Variants in JAM2 observed in about 807,000 individuals in gnomAD.
JAM2 encodes junctional adhesion molecule B.
A neutral mutation model predicts 42.0 loss-of-function variants in JAM2; 17 were observed. The observed-to-expected ratio is 0.40, with a 90% CI of 0.28 to 0.61. JAM2 has a LOEUF of 0.61. JAM2 is among the 20% of genes least tolerant of loss of function. JAM2 has a pLI of 0.37. For missense variants in JAM2, 319 were observed against 358.3 expected (o/e 0.89, Z 0.89); for synonymous variants, 118 against 128.6 (o/e 0.92, Z 0.56).
rs576251698 is a variant in JAM2 at position 25,669,466 on chromosome 21, G to A, written c.68-14417G>A. Reference sequence around the variant, plus strand: ...TTTTTCATAGAACATCCTCATACGCGATTATTGTAGAATCATTTGTGAAAT... The same window carrying A: ...TTTTTCATAGAACATCCTCATACGCAATTATTGTAGAATCATTTGTGAAAT... On this transcript the variant is annotated intron_variant, in intron 1 of 9. Coordinates refer to ENST00000480456, the MANE Select transcript of JAM2 (RefSeq NM_021219.4). Among the ~76,000 whole-genome samples, 5 of 152,184 alleles carry A rather than the reference G, an allele frequency of 3.3e-5. No homozygotes were observed. In the South Asian group the frequency reaches 1.0e-3, roughly 32 times the overall value.
intron 7 of JAM2, among the ~76,000 whole-genome samples, 176 bp downstream of exon 7, chr21:25,706,262 A>G (rs900804447): frequency 2.6e-5 from 4 of 151,730 alleles, no homozygotes; most frequent in Non-Finnish European, 5.9e-5. Flanking sequence ...ACTCAATACA[A>G]CCTCCACCTC....
chr21:25,652,589 T>C (rs1474075471), intron 1 of JAM2, among the ~76,000 whole-genome samples: 2 of 152,200 alleles, frequency 1.3e-5, no homozygotes, highest in Admixed American at 6.5e-5. Flanking sequence ...TTTGTTATTT[T>C]GACACTATGT....
In JAM2 at chr21:25,715,979, TTC is replaced by T. The variant is rs2034471045; in HGVS notation, c.*1309_*1310del. The T allele has an allele frequency of 1.2e-5, 1 of 83,398 alleles. No individual in the cohort carries two copies. The highest frequency in any genetic ancestry group is 2.8e-5 in the Non-Finnish European group (1 of 35,930). 5.2% of individuals were successfully genotyped at this position (83,398 alleles called of 1,614,324 possible). ...ACAACTATGAACATGATGGTTAATC[TTC>T]TTTCTTTTTTTTTTTTTTTTTTTGA... On this transcript the variant is annotated 3_prime_UTR_variant, in exon 10 of 10. Coordinates refer to ENST00000480456, the MANE Select transcript of JAM2 (RefSeq NM_021219.4).
chr21:25,702,345 C>A (rs1257900644), intron 6 of JAM2, 76 bp downstream of exon 6: 9 of 810,132 alleles, frequency 1.1e-5, no homozygotes, highest in Non-Finnish European at 1.8e-5. Flanking sequence ...GTACAAGGAG[C>A]AAGGAGCAGG....
intron 1 of JAM2, among the ~76,000 whole-genome samples, chr21:25,682,975 C>A (rs543417208): frequency 6.6e-6 from 1 of 152,154 alleles, no homozygotes; most frequent in African/African-American, 2.4e-5. Context: ...CATCTCCTCG[C>A]CTGCTCATCT....
At chr21:25,697,255 A>G (rs1485877338) in intron 4 of JAM2, among the ~76,000 whole-genome samples, 3 of 146,060 alleles carry the variant, frequency 2.1e-5, no homozygotes, top group African/African-American at 8.4e-5. Context: ...AAATCATCCT[A>G]TCTTAGAGAC....
At chr21:25,659,444 CTT>C (rs2033023034) in intron 1 of JAM2, among the ~76,000 whole-genome samples, 1 of 152,112 alleles carries the variant, frequency 6.6e-6, no homozygotes, top group Non-Finnish European at 1.5e-5. Context: ...ATAAATAACT[CTT>C]TTAGCTGATT....
chr21:25,665,579 A>G (rs911551106), intron 1 of JAM2, among the ~76,000 whole-genome samples: 14 of 152,186 alleles, frequency 9.2e-5, no homozygotes, highest in African/African-American at 3.4e-4. Context: ...GGAGGCAAGC[A>G]AGCTACAGAC....
chr21:25,695,582 G>A (rs1181293883), intron 4 of JAM2, among the ~76,000 whole-genome samples: 15 of 148,852 alleles, frequency 1.0e-4, no homozygotes, highest in African/African-American at 2.3e-4. Flanking sequence ...CCTCCCGGAC[G>A]GGGCGGCGGC....
chr21:25,651,073 A>AC (rs1435576408), intron 1 of JAM2, among the ~76,000 whole-genome samples: 6 of 150,278 alleles, frequency 4.0e-5, no homozygotes, highest in African/African-American at 1.2e-4. Flanking sequence ...AAAAAAAAAA[A>AC]AAAAAAAAAA....
chr21:25,666,417 C>A (rs376455048), intron 1 of JAM2, among the ~76,000 whole-genome samples: 1 of 151,772 alleles, frequency 6.6e-6, no homozygotes, highest in Non-Finnish European at 1.5e-5. Context: ...CTCTGCCTCC[C>A]GGGTTCAAGC....
Position 25,698,694 on chromosome 21 carries a change from T to A in JAM2, c.412T>A (p.Ser138Thr). ...LEVLVAPAVP[S>T]CEVPSSALSG... ...TTGTTCAGTGGCTCCAGCAGTTCCATCATGTGAAGTACCCTCTTCTGCTCT... is the reference window on the plus strand; with the variant it reads ...TTGTTCAGTGGCTCCAGCAGTTCCAACATGTGAAGTACCCTCTTCTGCTCT... The change falls in exon 5 of 10, where the codon TCA becomes ACA. Residue 138 changes from serine (S) to threonine (T), a missense_variant. Transcript: ENST00000480456. The A allele has an allele frequency of 6.2e-7, 1 of 1,613,932 alleles. No individual in the cohort carries two copies. Among genetic ancestry groups the A allele is most frequent in the Non-Finnish European group, 8.5e-7 (1 of 1,179,822 alleles).
chr21:25,667,360 T>C (rs987499080), intron 1 of JAM2, among the ~76,000 whole-genome samples: 19 of 152,224 alleles, frequency 1.2e-4, no homozygotes, highest in African/African-American at 3.6e-4. Context: ...TAATGCTACC[T>C]CACGATGCCT....
At chr21:25,688,428 C>T (rs897604426) in intron 2 of JAM2, among the ~76,000 whole-genome samples, 2 of 152,200 alleles carry the variant, frequency 1.3e-5, no homozygotes, top group African/African-American at 4.8e-5. Context: ...TTGTTGGAAA[C>T]TCACAAAATA....
intron 6 of JAM2, among the ~76,000 whole-genome samples, chr21:25,703,508 C>T (rs2034210176): frequency 6.6e-6 from 1 of 152,136 alleles, no homozygotes; most frequent in Admixed American, 6.5e-5. Context: ...TTTTGAAATA[C>T]ATACAAATTC....
intron 2 of JAM2, among the ~76,000 whole-genome samples, chr21:25,688,276 G>GTA (rs2033797669): frequency 6.6e-6 from 1 of 150,968 alleles, no homozygotes; most frequent in Admixed American, 6.6e-5. Flanking sequence ...GTGTGTATGT[G>GTA]TGTGTACACG....
intron 4 of JAM2, among the ~76,000 whole-genome samples, chr21:25,697,723 G>A (rs377064214): frequency 2.6e-5 from 4 of 152,256 alleles, no homozygotes; most frequent in African/African-American, 9.6e-5. Context: ...GCAACATAGT[G>A]AGACCCTGTC....
Position 25,716,493 on chromosome 21 carries a change from G to A in JAM2, c.*1821G>A, listed in dbSNP as rs534062359. 3.3e-5 allele frequency: 5 copies of A among 152,204 alleles called. No individual in the cohort carries two copies. In the East Asian group the frequency reaches 9.6e-4, roughly 29 times the overall value. 9.4% of individuals were successfully genotyped at this position (152,204 alleles called of 1,614,324 possible). On this transcript the variant is annotated 3_prime_UTR_variant, in exon 10 of 10. Coordinates refer to ENST00000480456, the MANE Select transcript of JAM2 (RefSeq NM_021219.4). ...CACCAGATCCCTTCCTGGAGGTCGG[G>A]CTTCTGTAACATGGCTCTGCCCCCA...
At chr21:25,695,232 A>C (rs1331670878) in intron 4 of JAM2, among the ~76,000 whole-genome samples, 1 of 152,160 alleles carries the variant, frequency 6.6e-6, no homozygotes, top group Non-Finnish European at 1.5e-5. Flanking sequence ...CACATCTTGC[A>C]CCGCCCTTAA....
Sources: gnomAD v4.1 joint callset for allele counts (sites outside exome capture counted in the v4.1 genomes callset) on GRCh38, gnomAD v4.1.1 for gene constraint, MANE v1.5 for transcripts, NCBI Gene and HGNC (gene_info 2026-07-23, HGNC 2026-07-21) for gene names.